Variants in RAB37 observed in about 807,000 individuals in gnomAD.
RAB37 encodes the protein ras-related protein Rab-37.
Under a neutral mutation model 33.1 loss-of-function variants are expected in RAB37, and 29 were observed. That is an observed-to-expected ratio of 0.88 (90% CI 0.65 to 1.20). RAB37 has a LOEUF of 1.20. RAB37 is among the 50% of genes most tolerant of loss of function. RAB37 has a pLI of 0.00. For missense variants in RAB37, 299 were observed against 301.1 expected, an observed-to-expected ratio of 0.99 and a Z score of 0.05; for synonymous variants, 128 against 119.5, an observed-to-expected ratio of 1.07 and a Z score of -0.47.
chr17:74,734,618 C>T (rs974164307), upstream of RAB37, among the ~76,000 whole-genome samples: 3 of 152,046 alleles, frequency 2.0e-5, no homozygotes, highest in African/African-American at 4.8e-5. Context: ...CTAAGGCAGG[C>T]GGATCACCTA....
intron 1 of RAB37, among the ~76,000 whole-genome samples, chr17:74,711,242 C>T (rs561605017): frequency 3.3e-5 from 5 of 152,150 alleles, no homozygotes; most frequent in African/African-American, 9.6e-5. Flanking sequence ...TCCATGTTGG[C>T]GCCCATAGCT....
At chr17:74,735,530 C>T (rs753751779), upstream of RAB37, among the ~76,000 whole-genome samples, 1 of 152,138 alleles carries the variant, frequency 6.6e-6, no homozygotes, top group Non-Finnish European at 1.5e-5. Flanking sequence ...AGTGAGACTC[C>T]GTCTCCGGGA....
At chr17:74,732,572 G>A (rs1229100128), upstream of RAB37, among the ~76,000 whole-genome samples, 1 of 142,994 alleles carries the variant, frequency 7.0e-6, no homozygotes, top group Non-Finnish European at 1.6e-5. Flanking sequence ...TTAGGTGTGT[G>A]TGGTGTGAGT....
intron 1 of RAB37, among the ~76,000 whole-genome samples, chr17:74,684,265 ATTT>A (rs201648484): frequency 3.7e-5 from 5 of 134,254 alleles, no homozygotes; most frequent in Non-Finnish European, 4.9e-5. Context: ...AGCCCTGTTA[ATTT>A]TTTTTTTTTT....
intron 1 of RAB37, among the ~76,000 whole-genome samples, chr17:74,712,335 A>G (rs2034025088): frequency 6.6e-6 from 1 of 151,880 alleles, no homozygotes; most frequent in Non-Finnish European, 1.5e-5. Flanking sequence ...TCCGTCCCTC[A>G]GCAACTTCTA....
At chr17:74,697,284 T>G (rs1329616031) in intron 1 of RAB37, among the ~76,000 whole-genome samples, 2 of 152,046 alleles carry the variant, frequency 1.3e-5, no homozygotes, top group African/African-American at 4.8e-5. Context: ...GATTTTCAGG[T>G]GGTTGCTGGT....
intron 1 of RAB37, among the ~76,000 whole-genome samples, chr17:74,690,650 T>A (rs1276046238): frequency 6.6e-6 from 1 of 152,172 alleles, no homozygotes; most frequent in Non-Finnish European, 1.5e-5. Context: ...TCTCTAGCAC[T>A]CTAAACTCTA....
Position 74,703,234 on chromosome 17 carries a change from G to A in RAB37, c.73-26022G>A, listed in dbSNP as rs769102481. 131 of 1,082,380 alleles carry A rather than the reference G, an allele frequency of 1.2e-4. 1 individual carries two copies. The highest frequency in any genetic ancestry group is 1.7e-4 in the Non-Finnish European group (121 of 730,148). 67.0% of individuals were successfully genotyped at this position (1,082,380 alleles called of 1,614,324 possible). ...CCTGCACACAGCTCTGAGCCTGGGC[G>A]GGGGTCTGGACTGCTACTATGGGAA... On this transcript the variant is annotated intron_variant, in intron 1 of 7. Transcript: ENST00000340415.
intron 1 of RAB37, among the ~76,000 whole-genome samples, chr17:74,673,830 G>C (rs1471369626): frequency 1.3e-5 from 2 of 152,316 alleles, no homozygotes; most frequent in South Asian, 2.1e-4. Context: ...GCCCAGCAGA[G>C]TGACATATGT....
intron 1 of RAB37, among the ~76,000 whole-genome samples, chr17:74,690,385 C>T (rs1464187749): frequency 6.6e-6 from 1 of 152,092 alleles, no homozygotes; most frequent in Non-Finnish European, 1.5e-5. Context: ...TGTTTTAACA[C>T]AATGTGCTTT....
intron 1 of RAB37, among the ~76,000 whole-genome samples, chr17:74,703,665 A>G (rs191159657): frequency 9.8e-5 from 15 of 152,286 alleles, no homozygotes; most frequent in African/African-American, 3.4e-4. Flanking sequence ...CATTGAGACA[A>G]TGCACGTTCA....
chr17:74,704,791 G>A (rs200489852), intron 1 of RAB37: 36 of 1,613,246 alleles, frequency 2.2e-5, no homozygotes, highest in Non-Finnish European at 2.6e-5. Context: ...TTGTTGGACC[G>A]GTGATTTGAG....
chr17:74,678,423 A>G (rs2031886611), intron 1 of RAB37, among the ~76,000 whole-genome samples: 3 of 152,202 alleles, frequency 2.0e-5, no homozygotes, highest in South Asian at 2.1e-4. Flanking sequence ...CTCCCAGCAC[A>G]TGGTTCCTGA....
chr17:74,706,669 A>AAAAAC (rs905552893), intron 1 of RAB37, among the ~76,000 whole-genome samples: 36 of 152,282 alleles, frequency 2.4e-4, no homozygotes, highest in African/African-American at 7.2e-4. Context: ...ACTCCATCTC[A>AAAAAC]AAAACAAAAC....
chr17:74,743,025 CA>C, intron 3 of RAB37, 103 bp from the exon 4 acceptor site: 1 of 1,002,482 alleles, frequency 1.0e-6, no homozygotes. Flanking sequence ...AAAACAGCCC[CA>C]CCTTCCCACA....
intron 1 of RAB37, among the ~76,000 whole-genome samples, chr17:74,714,959 T>C (rs2034147112): frequency 6.6e-6 from 1 of 152,080 alleles, no homozygotes; most frequent in African/African-American, 2.4e-5. Context: ...CCGTCTCTAC[T>C]AAAAATACAA....
chr17:74,724,895 G>A (rs1429239622), intron 1 of RAB37, among the ~76,000 whole-genome samples: 2 of 152,136 alleles, frequency 1.3e-5, no homozygotes, highest in Non-Finnish European at 2.9e-5. Flanking sequence ...GGTCACAGGG[G>A]ATATGATGGC....
intron 1 of RAB37, among the ~76,000 whole-genome samples, chr17:74,714,431 A>ACACG (rs1555590481): frequency 5.2e-4 from 78 of 150,848 alleles, no homozygotes; most frequent in African/African-American, 1.3e-3. Context: ...ACACACACAC[A>ACACG]CACGCACGCA....
chr17:74,735,937 G>T (rs182388821), upstream of RAB37, among the ~76,000 whole-genome samples: 101 of 152,330 alleles, frequency 6.6e-4, 1 homozygote, highest in East Asian at 0.018. Flanking sequence ...CGGGCGCAGT[G>T]GCTCACGCCT....
Sources: allele counts gnomAD v4.1 joint callset (sites outside exome capture counted in the v4.1 genomes callset), GRCh38; gene constraint gnomAD v4.1.1; transcripts MANE v1.5; gene names NCBI Gene and HGNC (gene_info 2026-07-23, HGNC 2026-07-21).